Variants in CUX2 observed in about 807,000 individuals in gnomAD.
CUX2 encodes the protein cut like homeobox 2.
CUX2 carries 40 observed loss-of-function variants against 144.8 expected under a neutral mutation model. The observed-to-expected ratio is 0.28, with a 90% CI of 0.21 to 0.36. The LOEUF is 0.36. Among genes scored for constraint, CUX2 ranks in the 10% least tolerant of loss-of-function variants. The pLI is 1.00. For synonymous variants in CUX2, 827 were observed against 875.6 expected (o/e 0.94, Z 0.98); for missense variants, 1,615 against 1,994.0 (o/e 0.81, Z 3.62).
rs759752210 is a variant in CUX2 at position 111,293,452 on chromosome 12, G to A, written c.443G>A (p.Arg148Lys). Residue 148 changes from arginine to lysine, a missense_variant, in exon 6 of 22, where the codon AGA becomes AAA. By Grantham distance (26) the Arg-to-Lys change is conservative (BLOSUM62 2). Coordinates refer to ENST00000261726, the MANE Select transcript of CUX2 (RefSeq NM_015267.4). The surrounding 1 kb of genome is among the most constrained non-coding windows in gnomAD (Gnocchi z 4.5). Reference protein sequence around the residue: ...NPELLSPKEQREGTSPAGPTL... With the variant: ...NPELLSPKEQKEGTSPAGPTL... The stretch of plus-strand genomic sequence containing the variant: ...CCTCTTTTTCTCCCTGCAGAGCAGA[G>A]AGAGGGGACGTCGCCTGCCGGGCCC... 1 of 1,608,236 alleles carries A rather than the reference G, an allele frequency of 6.2e-7. No individual in the cohort carries two copies. The highest frequency in any genetic ancestry group is 8.5e-7 in the Non-Finnish European group (1 of 1,178,210).
At chr12:111,149,081 A>G (rs1566254717) in intron 1 of CUX2, among the ~76,000 whole-genome samples, 1 of 152,098 alleles carries the variant, frequency 6.6e-6, no homozygotes, top group East Asian at 1.9e-4. Context: ...AGGCTAAATC[A>G]TTTCTCCAAA....
chr12:111,106,141 A>T lies in CUX2; in HGVS notation c.63+71901A>T, dbSNP rs144117979. Among the ~76,000 whole-genome samples, 848 of 151,280 alleles carry T rather than the reference A, an allele frequency of 5.6e-3. 6 individuals are homozygous for T. The highest frequency in any genetic ancestry group is 0.019 in the African/African-American group (786 of 41,154). ...CAGCCTCTCAAGTAGCTGGAACTGT[A>T]GGCTGGTACCACCATACCTGGCTAA... On this transcript the variant is annotated intron_variant, in intron 1 of 21. Coordinates refer to ENST00000261726, the MANE Select transcript of CUX2 (RefSeq NM_015267.4).
At chr12:111,329,765 A>G (rs1888007800) in intron 18 of CUX2, among the ~76,000 whole-genome samples, 1 of 152,106 alleles carries the variant, frequency 6.6e-6, no homozygotes, top group South Asian at 2.1e-4. Flanking sequence ...CCTCCAGAGT[A>G]GCTGGGGCTA....
In CUX2 at chr12:111,156,959, C is replaced by A. The variant is rs1048325366; in HGVS notation, c.64-57241C>A. 8.4e-5 allele frequency among the ~76,000 whole-genome samples: 9 copies of A among 107,020 alleles called. No individual in the cohort carries two copies. The Admixed American group carries it at 8.6e-4, about 10-fold the overall frequency. 70.2% of individuals were successfully genotyped at this position (107,020 alleles called of 152,430 possible). A position where few individuals can be genotyped will look rare whatever the true frequency, so the allele number is the denominator to read the frequency against. Reference sequence around the variant, plus strand: ...CAAGATTGTGCCACTGCACTCCAGCCTGGGCAATAAGAGCAAAACTTCTCT... The same window carrying A: ...CAAGATTGTGCCACTGCACTCCAGCATGGGCAATAAGAGCAAAACTTCTCT... On this transcript the variant is annotated intron_variant, in intron 1 of 21. Coordinates refer to ENST00000261726, the MANE Select transcript of CUX2 (RefSeq NM_015267.4).
At position 111,042,926 on chromosome 12, in the gene CUX2, G is replaced by A. The variant is rs573267204; in HGVS notation, c.63+8686G>A. Among the ~76,000 whole-genome samples, 121 of 151,888 alleles carry A rather than the reference G, an allele frequency of 8.0e-4. 1 individual carries two copies. In the Middle Eastern group the frequency reaches 0.01, roughly 13 times the overall value. On this transcript the variant is annotated intron_variant, in intron 1 of 21. Transcript: ENST00000261726. ...GCTGGGATTACAGGTGTGAGCCACC[G>A]TGCCCAGCCTGTTTTGAGGATTAAG...
chr12:111,103,404 G>A (rs974313674), intron 1 of CUX2, among the ~76,000 whole-genome samples: 6 of 152,244 alleles, frequency 3.9e-5, no homozygotes, highest in Admixed American at 3.9e-4. Context: ...GCAGGAAACT[G>A]AGATGCTATC....
chr12:111,193,441 T>C (rs997655444), intron 1 of CUX2, among the ~76,000 whole-genome samples: 1 of 152,232 alleles, frequency 6.6e-6, no homozygotes, highest in Non-Finnish European at 1.5e-5. Context: ...TAGCAGCTGA[T>C]CAATTATCCT....
Position 111,133,219 on chromosome 12 carries a change from C to G in CUX2, c.64-80981C>G, listed in dbSNP as rs558556388. On this transcript the variant is annotated intron_variant, in intron 1 of 21. Transcript: ENST00000261726. ...CCCTCTAAACTGTTCCAACCTCTGC[C>G]TGTTACCCAGTTCTAAAGTCGCTTC... is the stretch of plus-strand genomic sequence containing the variant. Among the ~76,000 whole-genome samples the G allele has an allele frequency of 5.3e-5, 8 of 152,312 alleles. No homozygotes were observed. The East Asian group carries it at 1.5e-3, about 29-fold the overall frequency.
At position 111,059,750 on chromosome 12, in the gene CUX2, G is replaced by T. The variant is rs1870683704; in HGVS notation, c.63+25510G>T. On this transcript the variant is annotated intron_variant, in intron 1 of 21. Transcript: ENST00000261726. The surrounding 1 kb of genome is among the most constrained non-coding windows in gnomAD (Gnocchi z 5.3). ...GTGGAAGGGGTGCTACCAAGGAGAA[G>T]GTGGTCGTGGGGGGTCCTCAGTCCT... 6.6e-6 allele frequency among the ~76,000 whole-genome samples: 1 copy of T among 152,086 alleles called. No individual in the cohort carries two copies. The highest frequency in any genetic ancestry group is 1.5e-5 in the Non-Finnish European group (1 of 67,994).
At chr12:111,152,706 C>T (rs946307256) in intron 1 of CUX2, among the ~76,000 whole-genome samples, 3 of 152,282 alleles carry the variant, frequency 2.0e-5, no homozygotes, top group African/African-American at 4.8e-5. Flanking sequence ...GAAAAATAGA[C>T]GCATGTTAGA....
In CUX2 at chr12:111,320,171, G is replaced by A. The variant is rs749568104; in HGVS notation, c.2162G>A (p.Arg721His). 3 of 1,536,524 alleles carry A rather than the reference G, an allele frequency of 2.0e-6. No individual in the cohort carries two copies. The highest frequency in any genetic ancestry group is 1.4e-5 in the African/African-American group (1 of 72,652). ...LLEMEVAPRG[R>H]SVPPSPPERP... ...GAGATGGAGGTGGCGCCCAGGGGCC[G>A]CTCGGTGCCCCCCTCGCCCCCGGAG... Residue 721 changes from arginine to histidine, a missense_variant, in exon 17 of 22, where the codon CGC becomes CAC. By Grantham distance (29) the Arg-to-His change is conservative. Around this residue, in one of 12 missense-constraint regions of CUX2, gnomAD observed 390 missense variants for 387.1 expected, o/e 1.01. Coordinates refer to ENST00000261726, the MANE Select transcript of CUX2 (RefSeq NM_015267.4). The surrounding 1 kb of genome is among the most constrained non-coding windows in gnomAD (Gnocchi z 8.1).
At chr12:111,341,397 G>A (rs1202277034) in intron 20 of CUX2, among the ~76,000 whole-genome samples, 1 of 152,214 alleles carries the variant, frequency 6.6e-6, no homozygotes, top group African/African-American at 2.4e-5. Flanking sequence ...GTTGGTTGAA[G>A]CTACAGTGAG....
intron 1 of CUX2, among the ~76,000 whole-genome samples, chr12:111,078,394 C>T (rs113516691): frequency 0.014 from 2,176 of 152,094 alleles, 65 homozygotes; most frequent in African/African-American, 0.05. Context: ...GGGCCAGGTG[C>T]AGCAGCTTAT....
chr12:111,192,183 G>A (rs1318534440), intron 1 of CUX2, among the ~76,000 whole-genome samples: 1 of 152,120 alleles, frequency 6.6e-6, no homozygotes, highest in Non-Finnish European at 1.5e-5. Context: ...TTGGAGTGCA[G>A]TGGTGTGATC....
rs1401392573 is a variant in CUX2, at chr12:111,186,433, C to A, written c.64-27767C>A. ...AAGTTGCTATGACGTTAAGCTGAGACCCGAAGCATAAACTAGGCGGGGAAC... is the reference window on the plus strand; with the variant it reads ...AAGTTGCTATGACGTTAAGCTGAGAACCGAAGCATAAACTAGGCGGGGAAC... On this transcript the variant is annotated intron_variant, in intron 1 of 21. Transcript: ENST00000261726. The surrounding 1 kb of genome is among the most constrained non-coding windows in gnomAD (Gnocchi z 4.4). Among the ~76,000 whole-genome samples, 1 of 152,188 alleles carries A rather than the reference C, an allele frequency of 6.6e-6. No homozygotes were observed.
rs778511615 is a variant in CUX2, at chr12:111,334,586, C to T, written c.3072C>T (p.Ser1024=). The T allele has an allele frequency of 9.3e-6, 15 of 1,613,958 alleles. No homozygotes were observed. Among genetic ancestry groups the T allele is most frequent in the East Asian group, 4.5e-5 (2 of 44,856 alleles). The change falls in exon 19 of 22, where the codon AGC becomes AGT. Residue 1024 remains serine (S), a synonymous_variant. Coordinates refer to ENST00000261726, the MANE Select transcript of CUX2 (RefSeq NM_015267.4). ...QPEGRSSSSL[S]GKMYSGSQAP... is the part of the protein sequence containing the mutation. The stretch of plus-strand genomic sequence containing the variant: ...AGGGCCGCTCCAGCTCCTCGTTGAG[C>T]GGGAAGATGTACTCAGGCAGCCAGG...
In CUX2 at chr12:111,320,885, C is replaced by A. The variant is rs1317641757; in HGVS notation, c.2766+110C>A. The A allele has an allele frequency of 7.5e-6, 9 of 1,194,846 alleles. No individual in the cohort carries two copies. The highest frequency in any genetic ancestry group is 8.8e-6 in the Non-Finnish European group (8 of 905,928). 74.0% of individuals were successfully genotyped at this position (1,194,846 alleles called of 1,614,324 possible). ...ACCCCAGGGGCCCAGGCCCTTCATT[C>A]CTGAGTCCTGCTGTCCCTGGGTCCC... On this transcript the variant is annotated intron_variant, in intron 17 of 21. Transcript: ENST00000261726. This position sits in a 1 kb window ranked among gnomAD's most constrained non-coding sequence, Gnocchi z 8.1.
intron 3 of CUX2, among the ~76,000 whole-genome samples, chr12:111,220,138 T>C (rs1881765798): frequency 1.3e-5 from 2 of 148,464 alleles, no homozygotes; most frequent in African/African-American, 5.1e-5. Context: ...AGCAAGACTC[T>C]GTCTCAAAAA....
intron 1 of CUX2, among the ~76,000 whole-genome samples, chr12:111,042,670 C>T (rs979670341): frequency 6.6e-6 from 1 of 152,158 alleles, no homozygotes. Flanking sequence ...CTCAGTCTGT[C>T]ACCCAGGCTG....
Sources: gnomAD v4.1 joint callset for allele counts (sites outside exome capture counted in the v4.1 genomes callset) on GRCh38, gnomAD v4.1.1 for gene constraint, gnomAD v4.1.1 regional missense constraint, Gnocchi (gnomAD v3.1) non-coding constraint, MANE v1.5 for transcripts, NCBI Gene and HGNC (gene_info 2026-07-23, HGNC 2026-07-21) for gene names.